Variants in EML4 observed in about 807,000 individuals in gnomAD.
EML4 encodes EMAP like 4.
EML4 carries 72 observed loss-of-function variants against 129.0 expected under a neutral mutation model. The observed-to-expected ratio is 0.56, with a 90% CI of 0.46 to 0.68. The LOEUF is 0.68. Ranked by LOEUF, EML4 falls within the 30% of genes least tolerant of loss-of-function variation. The pLI is 0.00. For synonymous variants in EML4, 532 were observed against 405.0 expected, an observed-to-expected ratio of 1.31 and a Z score of -3.77; for missense variants, 1,363 against 1,190.6, an observed-to-expected ratio of 1.14 and a Z score of -2.13.
chr2:42,195,243 A>G (rs1671831017), intron 1 of EML4, among the ~76,000 whole-genome samples: 1 of 152,296 alleles, frequency 6.6e-6, no homozygotes, highest in Middle Eastern at 3.4e-3. Context: ...TCATCATGCT[A>G]CCAGATAAAA....
chr2:42,189,415 C>G (rs1360680675), intron 1 of EML4, among the ~76,000 whole-genome samples: 1 of 152,092 alleles, frequency 6.6e-6, no homozygotes, highest in Non-Finnish European at 1.5e-5. Flanking sequence ...CATGTCTCTA[C>G]TAGAGAGAAA....
At chr2:42,241,233 T>C (rs1572610048) in intron 1 of EML4, among the ~76,000 whole-genome samples, 1 of 152,302 alleles carries the variant, frequency 6.6e-6, no homozygotes, top group East Asian at 1.9e-4. Flanking sequence ...ACAGCTTTTA[T>C]TGAATTCTCA....
chr2:42,173,222 A>G (rs181399727), intron 1 of EML4, among the ~76,000 whole-genome samples: 57 of 152,330 alleles, frequency 3.7e-4, no homozygotes, highest in Admixed American at 1.9e-3. Flanking sequence ...TAAAGGAACA[A>G]TGCTGTATAT....
chr2:42,275,256 C>CT (rs1666591485), intron 6 of EML4, among the ~76,000 whole-genome samples: 1 of 152,040 alleles, frequency 6.6e-6, no homozygotes, highest in Non-Finnish European at 1.5e-5. Flanking sequence ...TTTTACTTTT[C>CT]CTTTCATACT....
At chr2:42,322,983 TTA>T (rs1321849500) in intron 19 of EML4, among the ~76,000 whole-genome samples, 1 of 152,202 alleles carries the variant, frequency 6.6e-6, no homozygotes, top group African/African-American at 2.4e-5. Context: ...TGAGAATACT[TTA>T]TGTTGATTTA....
intron 1 of EML4, among the ~76,000 whole-genome samples, chr2:42,174,204 A>C (rs1439382676): frequency 2.6e-5 from 4 of 152,232 alleles, no homozygotes; most frequent in Non-Finnish European, 4.4e-5. Context: ...TTTAAAATAG[A>C]TTCTAATACT....
chr2:42,270,930 G>GTGT (rs577674364), intron 6 of EML4, among the ~76,000 whole-genome samples: 100 of 152,280 alleles, frequency 6.6e-4, no homozygotes, highest in African/African-American at 2.2e-3. Flanking sequence ...GGGTCTCACT[G>GTGT]TGTTGCCCAG....
chr2:42,210,715 A>G (rs1243905887), intron 1 of EML4, among the ~76,000 whole-genome samples: 1 of 151,990 alleles, frequency 6.6e-6, no homozygotes, highest in Non-Finnish European at 1.5e-5. Flanking sequence ...ATACTATTTT[A>G]TTTATTTTGT....
intron 17 of EML4, among the ~76,000 whole-genome samples, chr2:42,315,261 T>G (rs1418180780): frequency 6.6e-6 from 1 of 152,214 alleles, no homozygotes; most frequent in Non-Finnish European, 1.5e-5. Flanking sequence ...TCCTATGAGT[T>G]CCTCTGTTAT....
intron 2 of EML4, among the ~76,000 whole-genome samples, chr2:42,247,585 A>G (rs932082363): frequency 1.3e-5 from 2 of 152,172 alleles, no homozygotes; most frequent in South Asian, 4.1e-4. Context: ...ACAAAGGACA[A>G]GGGGCCTGAG....
chr2:42,209,894 A>C lies in EML4; in HGVS notation c.26-35611A>C, dbSNP rs528923880. On this transcript the variant is annotated intron_variant, in intron 1 of 22. Coordinates refer to ENST00000318522, the MANE Select transcript of EML4 (RefSeq NM_019063.5). ...CAGGGAGCCAAGATCATGCCATTGC[A>C]CTCCAGCCTGGGCAACAAGGGCAAA... 1.7e-4 allele frequency among the ~76,000 whole-genome samples: 26 copies of C among 152,256 alleles called. 1 individual carries two copies. Among genetic ancestry groups the C allele is most frequent in the African/African-American group, 6.0e-4 (25 of 41,550 alleles).
In EML4 at chr2:42,295,151, G is replaced by T. The variant is rs1236170837; in HGVS notation, c.1245G>T (p.Val415=). 2 of 1,611,822 alleles carry T rather than the reference G, an allele frequency of 1.2e-6. No individual in the cohort carries two copies. The highest frequency in any genetic ancestry group is 2.7e-5 in the African/African-American group (2 of 74,788). The change falls in exon 12 of 23, where the codon GTG becomes GTT. Residue 415 remains valine (V), a synonymous_variant. Transcript: ENST00000318522. ...IKTTNEVVLA[V]EFHPTDANTI... is the part of the protein sequence containing the mutation. ...CAACAAATGAAGTTGTTTTGGCTGTGGAGTTTCACCCAACAGATGCAAATA... is the reference window on the plus strand; with the variant it reads ...CAACAAATGAAGTTGTTTTGGCTGTTGAGTTTCACCCAACAGATGCAAATA...
At chr2:42,220,575 T>A (rs981115910) in intron 1 of EML4, among the ~76,000 whole-genome samples, 1 of 152,106 alleles carries the variant, frequency 6.6e-6, no homozygotes, top group Non-Finnish European at 1.5e-5. Context: ...TTCCCTGAGA[T>A]AACAATATTG....
chr2:42,172,058 ACTT>A (rs1670314802), intron 1 of EML4, among the ~76,000 whole-genome samples: 1 of 151,058 alleles, frequency 6.6e-6, no homozygotes, highest in Non-Finnish European at 1.5e-5. Context: ...GTGTTTAAAA[ACTT>A]TTTTTTTTTT....
intron 1 of EML4, among the ~76,000 whole-genome samples, chr2:42,189,635 A>T (rs903832340): frequency 6.6e-6 from 1 of 152,194 alleles, no homozygotes; most frequent in Non-Finnish European, 1.5e-5. Context: ...TTCACTAACA[A>T]TCTTAGGAAT....
At position 42,326,221 on chromosome 2, in the gene EML4, A is replaced by G. The variant is rs1558615838; in HGVS notation, c.2310A>G (p.Thr770=). ...RSDCKDIDWT[T]YTCVLGFQVF... ...ATTGTAAGGACATTGATTGGACGAC[A>G]TATACCTGTGTGCTAGGATTTCAAG... Residue 770 remains threonine (T), a synonymous_variant, in exon 21 of 23, where the codon ACA becomes ACG. Coordinates refer to ENST00000318522, the MANE Select transcript of EML4 (RefSeq NM_019063.5). 1 of 1,613,300 alleles carries G rather than the reference A, an allele frequency of 6.2e-7. No homozygotes were observed. The highest frequency in any genetic ancestry group is 8.5e-7 in the Non-Finnish European group (1 of 1,179,548).
In EML4 at chr2:42,304,545, C is replaced by T; in HGVS notation, c.1961C>T (p.Ser654Leu). 1.2e-6 allele frequency: 2 copies of T among 1,613,442 alleles called. No homozygotes were observed. Among genetic ancestry groups the T allele is most frequent in the Non-Finnish European group, 1.7e-6 (2 of 1,179,352 alleles). The change falls in exon 17 of 23, where the codon TCA becomes TTA. Residue 654 changes from serine (S) to leucine (L), a missense_variant. Ser to Leu is a moderately radical substitution (Grantham distance 145, BLOSUM62 -2). Transcript: ENST00000318522. ...ACAGTGGTGGCCATAGGAACGCACT[C>T]AGGCAGGTAGGGTCTTTAAGTGAAC... ...SGTVVAIGTHSGRWFVLDAET... is the reference protein window; with the variant it reads ...SGTVVAIGTHLGRWFVLDAET...
intron 11 of EML4, among the ~76,000 whole-genome samples, chr2:42,294,278 G>A (rs1314388304): frequency 2.6e-5 from 4 of 152,168 alleles, no homozygotes; most frequent in Non-Finnish European, 4.4e-5. Flanking sequence ...AGGGAAAAGA[G>A]CATAAAAGCC....
intron 2 of EML4, among the ~76,000 whole-genome samples, chr2:42,248,760 C>A (rs1398018893): frequency 6.6e-6 from 1 of 151,914 alleles, no homozygotes; most frequent in Non-Finnish European, 1.5e-5. Context: ...TAAGATGGTT[C>A]ATTCTTTGAG....
Sources: allele counts gnomAD v4.1 joint callset (sites outside exome capture counted in the v4.1 genomes callset), GRCh38; gene constraint gnomAD v4.1.1; transcripts MANE v1.5; gene names NCBI Gene and HGNC (gene_info 2026-07-23, HGNC 2026-07-21).